The following CPSF6 variants were observed in gnomAD, a reference collection of about 807,000 sequenced individuals.
CPSF6 encodes cleavage and polyadenylation specificity factor subunit 6.
A neutral mutation model predicts 56.7 loss-of-function variants in CPSF6; 10 were observed. That is an observed-to-expected ratio of 0.18 (90% CI 0.11 to 0.30). CPSF6 has a LOEUF of 0.30. CPSF6 is among the 10% of genes least tolerant of loss of function. The pLI is 1.00. For missense variants in CPSF6, 419 were observed against 722.9 expected (o/e 0.58, Z 4.82); for synonymous variants, 248 against 244.8 (o/e 1.01, Z -0.12).
At chr12:69,261,220 G>A (rs1872728551) in intron 8 of CPSF6, among the ~76,000 whole-genome samples, 2 of 152,234 alleles carry the variant, frequency 1.3e-5, no homozygotes, top group Non-Finnish European at 1.5e-5. Flanking sequence ...TTGACCCGGT[G>A]TAAGAATCTT....
rs1352114324 is a variant in CPSF6, at chr12:69,269,751, C to T, written c.*243C>T. The T allele has an allele frequency of 5.0e-6, 1 of 199,408 alleles. No homozygotes were observed. The highest frequency in any genetic ancestry group is 1.1e-5 in the Non-Finnish European group (1 of 94,800). 12.4% of individuals were successfully genotyped at this position (199,408 alleles called of 1,614,324 possible). On this transcript the variant is annotated 3_prime_UTR_variant, in exon 10 of 10. Coordinates refer to ENST00000435070, the MANE Select transcript of CPSF6 (RefSeq NM_007007.3). ...ACCTGTGTGATTTAAAAAGTTATAG[C>T]TTTTGCAACTTTATTACTGGTTATA...
At chr12:69,239,754 C>T (rs1284278487) in intron 1 of CPSF6, 48 bp downstream of exon 1, 1 of 1,537,226 alleles carries the variant, frequency 6.5e-7, no homozygotes, top group South Asian at 1.2e-5. Flanking sequence ...GGCGCTGCGG[C>T]CGGGAAGCTG....
In CPSF6 at chr12:69,251,206, C is replaced by T. The variant is rs1312898994; in HGVS notation, c.138C>T (p.Ala46=). 4.3e-6 allele frequency: 7 copies of T among 1,612,816 alleles called. No individual in the cohort carries two copies. Among genetic ancestry groups the T allele is most frequent in the Non-Finnish European group, 5.1e-6 (6 of 1,179,762 alleles). Residue 46 remains alanine, a synonymous_variant, in exon 2 of 10, where the codon GCC becomes GCT. Coordinates refer to ENST00000435070, the MANE Select transcript of CPSF6 (RefSeq NM_007007.3). ...CTCCATCTGCAAATAATGGAGATGC[C>T]CCAGAAGACCGAGATTACATGGATA... ...VISPSANNGD[A]PEDRDYMDTL... is the part of the protein sequence containing the mutation.
intron 1 of CPSF6, among the ~76,000 whole-genome samples, chr12:69,241,582 T>G (rs2120400379): frequency 6.6e-6 from 1 of 152,312 alleles, no homozygotes; most frequent in East Asian, 1.9e-4. Flanking sequence ...CATACTTAAT[T>G]TGAGAGGGAC....
At chr12:69,260,495 C>T (rs1872699397) in intron 8 of CPSF6, among the ~76,000 whole-genome samples, 1 of 152,036 alleles carries the variant, frequency 6.6e-6, no homozygotes, top group Admixed American at 6.5e-5. Context: ...AGTATTTCTC[C>T]ATATTTCTCC....
intron 9 of CPSF6, among the ~76,000 whole-genome samples, chr12:69,268,935 G>A (rs1873120523): frequency 1.3e-5 from 2 of 151,748 alleles, no homozygotes; most frequent in African/African-American, 4.8e-5. Context: ...GTACGTGGAT[G>A]TCATTAATTT....
chr12:69,251,202 A>C lies in CPSF6; in HGVS notation c.134A>C (p.Asp45Ala). The change falls in exon 2 of 10, where the codon GAT (aspartate) becomes GCT (alanine). Residue 45 changes from aspartate (D) to alanine (A), a missense_variant. This residue lies in a region of CPSF6 where 125 missense variants were observed against 216.4 expected (regional missense o/e 0.58). Coordinates refer to ENST00000435070, the MANE Select transcript of CPSF6 (RefSeq NM_007007.3). ...ATATCTCCATCTGCAAATAATGGAGATGCCCCAGAAGACCGAGATTACATG... is the reference window on the plus strand; with the variant it reads ...ATATCTCCATCTGCAAATAATGGAGCTGCCCCAGAAGACCGAGATTACATG... The part of the protein sequence containing the change: ...DVISPSANNG[D>A]APEDRDYMDT... 1 of 1,613,310 alleles carries C rather than the reference A, an allele frequency of 6.2e-7. No individual in the cohort carries two copies. Among genetic ancestry groups the C allele is most frequent in the Non-Finnish European group, 8.5e-7 (1 of 1,179,852 alleles).
intron 1 of CPSF6, among the ~76,000 whole-genome samples, chr12:69,246,706 A>T (rs540413321): frequency 6.6e-6 from 1 of 152,350 alleles, no homozygotes; most frequent in East Asian, 1.9e-4. Context: ...TGTAAATGCA[A>T]AATGTAACTT....
chr12:69,250,237 A>G lies in CPSF6; in HGVS notation c.61-892A>G, dbSNP rs1036858863. Among the ~76,000 whole-genome samples the G allele has an allele frequency of 5.9e-5, 9 of 152,086 alleles. No individual in the cohort carries two copies. The South Asian group carries it at 1.9e-3, about 32-fold the overall frequency. On this transcript the variant is annotated intron_variant, in intron 1 of 9. Transcript: ENST00000435070. ...GATCTGAATACTATAGAAAATAATA[A>G]CTATTTTTCTGTGGTCATATTAAAG... is the stretch of plus-strand genomic sequence containing the variant.
chr12:69,271,631 T>A lies in CPSF6; in HGVS notation c.*2123T>A, dbSNP rs2120669090. The A allele has an allele frequency of 6.6e-6, 1 of 151,876 alleles. No homozygotes were observed. Among genetic ancestry groups the A allele is most frequent in the Non-Finnish European group, 1.5e-5 (1 of 67,694 alleles). 9.4% of individuals were successfully genotyped at this position (151,876 alleles called of 1,614,324 possible). A position where few individuals can be genotyped will look rare whatever the true frequency, so the allele number is the denominator to read the frequency against. On this transcript the variant is annotated 3_prime_UTR_variant, in exon 10 of 10. Coordinates refer to ENST00000435070, the MANE Select transcript of CPSF6 (RefSeq NM_007007.3). ...ACTTTCGTTACAGACAGTGTGAGTG[T>A]ACTAGATTTGTTTGCTGCTAATCCG...
rs950746533 is a variant in CPSF6, at chr12:69,273,339, A to T, written c.*3831A>T. 1 of 254,930 alleles carries T rather than the reference A, an allele frequency of 3.9e-6. No individual in the cohort carries two copies. The highest frequency in any genetic ancestry group is 2.3e-5 in the African/African-American group (1 of 44,072). 15.8% of individuals were successfully genotyped at this position (254,930 alleles called of 1,614,324 possible). A position where few individuals can be genotyped will look rare whatever the true frequency, so the allele number is the denominator to read the frequency against. On this transcript the variant is annotated 3_prime_UTR_variant, in exon 10 of 10. Transcript: ENST00000435070. ...GCAGCTACTATGGTTTTTGTATGGG[A>T]CGTATAAATACTTGATTATATACGA...
rs1263414986 is a variant in CPSF6 at position 69,258,504 on chromosome 12, GT to G, written c.695-83del. 1 of 1,374,616 alleles carries G rather than the reference GT, an allele frequency of 7.3e-7. No homozygotes were observed. Among genetic ancestry groups the G allele is most frequent in the Non-Finnish European group, 9.8e-7 (1 of 1,021,472 alleles). 85.2% of individuals were successfully genotyped at this position (1,374,616 alleles called of 1,614,324 possible). A position where few individuals can be genotyped will look rare whatever the true frequency, so the allele number is the denominator to read the frequency against. ...CAAAGACTTGGTGTATGCTCTATGC[GT>G]TTAAAGTATAATCTTGGCATATAAA... On this transcript the variant is annotated intron_variant, in intron 5 of 9. Coordinates refer to ENST00000435070, the MANE Select transcript of CPSF6 (RefSeq NM_007007.3). This position sits in a 1 kb window ranked among gnomAD's most constrained non-coding sequence, Gnocchi z 4.2.
intron 9 of CPSF6, among the ~76,000 whole-genome samples, chr12:69,263,792 A>AC (rs1221736951): frequency 1.3e-5 from 2 of 152,070 alleles, no homozygotes; most frequent in African/African-American, 2.4e-5. Context: ...TTTTTATGGA[A>AC]CACAGATATA....
At chr12:69,263,591 A>G (rs770059130) in intron 9 of CPSF6, among the ~76,000 whole-genome samples, 8 of 152,084 alleles carry the variant, frequency 5.3e-5, no homozygotes, top group African/African-American at 1.9e-4. Flanking sequence ...AATACTCTTT[A>G]TGTGATTATT....
At chr12:69,261,122 T>C (rs564790995) in intron 8 of CPSF6, among the ~76,000 whole-genome samples, 3 of 152,222 alleles carry the variant, frequency 2.0e-5, no homozygotes, top group Admixed American at 1.3e-4. Flanking sequence ...TTCTTAGATA[T>C]GTCTTTAGTG....
chr12:69,254,165 T>A (rs1394846322), intron 3 of CPSF6, among the ~76,000 whole-genome samples: 1 of 143,048 alleles, frequency 7.0e-6, no homozygotes, highest in East Asian at 2.0e-4. Context: ...CAGTCTGTAC[T>A]CCACATAACA....
At chr12:69,261,410 T>C (rs894482438) in intron 8 of CPSF6, among the ~76,000 whole-genome samples, 4 of 152,064 alleles carry the variant, frequency 2.6e-5, no homozygotes, top group African/African-American at 9.7e-5. Context: ...CAAAAAAATT[T>C]TAAAAATATC....
intron 9 of CPSF6, among the ~76,000 whole-genome samples, 173 bp from the exon 10 acceptor site, chr12:69,269,339 T>G (rs1325005140): frequency 6.6e-6 from 1 of 151,874 alleles, no homozygotes; most frequent in African/African-American, 2.4e-5. Flanking sequence ...TCAGGTAAAT[T>G]GGAACATTTC....
intron 3 of CPSF6, 88 bp downstream of exon 3, chr12:69,253,242 A>C (rs993676815): frequency 5.0e-6 from 3 of 594,802 alleles, no homozygotes; most frequent in Non-Finnish European, 8.9e-6. Flanking sequence ...TGTTAATTAC[A>C]CATGTATACA....
Sources: allele counts gnomAD v4.1 joint callset (sites outside exome capture counted in the v4.1 genomes callset), GRCh38; gene constraint gnomAD v4.1.1; regional missense constraint gnomAD v4.1.1; non-coding constraint Gnocchi (gnomAD v3.1); transcripts MANE v1.5; gene names NCBI Gene and HGNC (gene_info 2026-07-23, HGNC 2026-07-21).